Variants in SYCP1 observed in about 807,000 individuals in gnomAD.
The protein encoded by SYCP1 is synaptonemal complex protein 1.
In SYCP1, 64 loss-of-function variants were observed where a neutral mutation model predicts 153.1. That is an observed-to-expected ratio of 0.42 (90% CI 0.34 to 0.51). SYCP1 has a LOEUF of 0.51. Among genes scored for constraint, SYCP1 ranks in the 20% least tolerant of loss-of-function variants. The pLI, the probability that SYCP1 is intolerant of heterozygous loss-of-function variation, is 0.06. For missense variants in SYCP1, 997 were observed against 1,049.0 expected (o/e 0.95, Z 0.68); for synonymous variants, 384 against 341.8 (o/e 1.12, Z -1.36).
At chr1:114,993,664 T>C (rs1674076995) in intron 30 of SYCP1, among the ~76,000 whole-genome samples, 1 of 151,530 alleles carries the variant, frequency 6.6e-6, no homozygotes, top group African/African-American at 2.4e-5. Context: ...GCTATCATTA[T>C]TTGGGAGAAT....
intron 20 of SYCP1, among the ~76,000 whole-genome samples, chr1:114,915,614 T>G (rs1668468302): frequency 6.6e-6 from 1 of 152,208 alleles, no homozygotes. Flanking sequence ...ATTCATTCCA[T>G]GGTTGCTAGT....
Position 114,881,056 on chromosome 1 carries a change from TAC to T in SYCP1, c.910+2892_910+2893del, listed in dbSNP as rs67335338. On this transcript the variant is annotated intron_variant, in intron 12 of 31. Transcript: ENST00000369522. ...TGAACAGTATTCCAATTTGTGTATA[TAC>T]ACACACACACACACACACACACACA... Among the ~76,000 whole-genome samples the T allele has an allele frequency of 4.4e-3, 637 of 145,034 alleles. 3 individuals are homozygous for T. Among genetic ancestry groups the T allele is most frequent in the Middle Eastern group, 0.01 (3 of 290 alleles).
At chr1:114,986,025 A>G (rs1351472464) in intron 30 of SYCP1, among the ~76,000 whole-genome samples, 1 of 151,966 alleles carries the variant, frequency 6.6e-6, no homozygotes, top group African/African-American at 2.4e-5. Context: ...AGTAACCTAG[A>G]GATGATTAAA....
intron 23 of SYCP1, among the ~76,000 whole-genome samples, chr1:114,930,528 A>G (rs1247641963): frequency 1.3e-5 from 2 of 151,986 alleles, no homozygotes; most frequent in African/African-American, 2.4e-5. Context: ...GGGGACTGTG[A>G]TGGATTACTT....
chr1:114,885,943 G>T (rs1395334003), intron 13 of SYCP1, among the ~76,000 whole-genome samples, 182 bp from the exon 14 acceptor site: 1 of 152,094 alleles, frequency 6.6e-6, no homozygotes, highest in Non-Finnish European at 1.5e-5. Context: ...ACTATAGGTG[G>T]GATTTGGAGA....
At position 114,990,833 on chromosome 1, in the gene SYCP1, T is replaced by G. The variant is rs185595308; in HGVS notation, c.2704-3865T>G. On this transcript the variant is annotated intron_variant, in intron 30 of 31. Coordinates refer to ENST00000369522, the MANE Select transcript of SYCP1 (RefSeq NM_003176.4). ...ATCAAAAACCTCAACAAAGAAAAGT[T>G]CTGGACCAGTTGGCTTCATTGATAA... 5.0e-4 allele frequency among the ~76,000 whole-genome samples: 76 copies of G among 151,998 alleles called. 1 individual carries two copies. Among genetic ancestry groups the G allele is most frequent in the Non-Finnish European group, 8.8e-5 (6 of 67,886 alleles).
intron 23 of SYCP1, among the ~76,000 whole-genome samples, chr1:114,930,004 C>T (rs1017240750): frequency 2.0e-5 from 3 of 151,950 alleles, no homozygotes; most frequent in African/African-American, 7.2e-5. Context: ...TCTCTCACTC[C>T]AGTAGAATTG....
In SYCP1 at chr1:114,949,848, C is replaced by G. The variant is rs183435406; in HGVS notation, c.2322+2528C>G. On this transcript the variant is annotated intron_variant, in intron 27 of 31. Coordinates refer to ENST00000369522, the MANE Select transcript of SYCP1 (RefSeq NM_003176.4). The stretch of plus-strand genomic sequence containing the variant: ...AACTCCTTATTAACAAATTTAAGGG[C>G]TTCTTTTTTATTTGCATATCAAAAA... 1.0e-3 allele frequency among the ~76,000 whole-genome samples: 156 copies of G among 152,254 alleles called. 2 individuals carry two copies. The highest frequency in any genetic ancestry group is 3.6e-3 in the African/African-American group (151 of 41,542).
intron 12 of SYCP1, among the ~76,000 whole-genome samples, chr1:114,883,404 G>A (rs1666082675): frequency 6.6e-6 from 1 of 152,092 alleles, no homozygotes. Flanking sequence ...TGCTGACTCT[G>A]TTCATGGTGC....
intron 12 of SYCP1, among the ~76,000 whole-genome samples, chr1:114,879,336 A>T (rs1292603912): frequency 6.6e-6 from 1 of 152,124 alleles, no homozygotes. Context: ...GTTTCTGCCA[A>T]TCTATACCTG....
chr1:114,922,048 T>G (rs777270961), intron 20 of SYCP1, among the ~76,000 whole-genome samples: 39 of 152,308 alleles, frequency 2.6e-4, no homozygotes, highest in Non-Finnish European at 4.7e-4. Flanking sequence ...TTGCTGCTTT[T>G]GGGATTCTTT....
chr1:114,871,179 T>C (rs1214100857), intron 8 of SYCP1, among the ~76,000 whole-genome samples: 2 of 152,114 alleles, frequency 1.3e-5, no homozygotes, highest in Non-Finnish European at 2.9e-5. Context: ...TTTTCTTTTT[T>C]TTTTTGGATA....
chr1:114,985,408 C>T (rs557752756), intron 30 of SYCP1, among the ~76,000 whole-genome samples: 15 of 152,032 alleles, frequency 9.9e-5, no homozygotes, highest in African/African-American at 3.6e-4. Context: ...TAATTACTCC[C>T]ATTCACATAT....
intron 27 of SYCP1, among the ~76,000 whole-genome samples, chr1:114,964,921 G>A (rs1023372425): frequency 3.9e-5 from 6 of 152,130 alleles, no homozygotes; most frequent in Admixed American, 3.9e-4. Context: ...TAGCTTGATG[G>A]GGATAGCATT....
At chr1:114,924,740 G>A (rs1194475982) in intron 21 of SYCP1, among the ~76,000 whole-genome samples, 1 of 152,096 alleles carries the variant, frequency 6.6e-6, no homozygotes, top group East Asian at 1.9e-4. Context: ...AGAGGGCAGA[G>A]TGAGGAAAGA....
chr1:114,957,624 T>C (rs2101870116), intron 27 of SYCP1, among the ~76,000 whole-genome samples: 1 of 152,120 alleles, frequency 6.6e-6, no homozygotes, highest in Middle Eastern at 3.4e-3. Context: ...TGATTAAAAA[T>C]TGGACAAAAC....
chr1:114,979,901 A>AT (rs988290131), intron 28 of SYCP1, among the ~76,000 whole-genome samples: 13 of 151,926 alleles, frequency 8.6e-5, no homozygotes, highest in Admixed American at 2.6e-4. Flanking sequence ...TAGTTCAATG[A>AT]TTTTTTTATA....
At chr1:114,892,681 A>T (rs1240372123) in intron 15 of SYCP1, among the ~76,000 whole-genome samples, 6 of 151,968 alleles carry the variant, frequency 3.9e-5, no homozygotes, top group Admixed American at 1.3e-4. Context: ...CAGGAGCGGG[A>T]GCCTTTTCCT....
At chr1:114,974,492 C>T (rs970210147) in intron 27 of SYCP1, among the ~76,000 whole-genome samples, 2 of 151,810 alleles carry the variant, frequency 1.3e-5, no homozygotes, top group Non-Finnish European at 3.0e-5. Flanking sequence ...CCATTCAACA[C>T]GAATTCCCTT....
Sources: gnomAD v4.1 joint callset for allele counts (sites outside exome capture counted in the v4.1 genomes callset) on GRCh38, gnomAD v4.1.1 for gene constraint, MANE v1.5 for transcripts, NCBI Gene and HGNC (gene_info 2026-07-23, HGNC 2026-07-21) for gene names.